The following CNTN5 variants were observed in gnomAD, a reference collection of about 807,000 sequenced individuals.
CNTN5 encodes contactin 5.
Under a neutral mutation model 129.1 loss-of-function variants are expected in CNTN5, and 77 were observed. That is an observed-to-expected ratio of 0.60 (90% CI 0.50 to 0.72). CNTN5 has a LOEUF of 0.72. CNTN5 is among the 30% of genes least tolerant of loss of function. The pLI, the probability that CNTN5 is intolerant of heterozygous loss-of-function variation, is 0.00. For missense variants in CNTN5, 1,478 were observed against 1,328.8 expected (o/e 1.11, Z -1.75); for synonymous variants, 509 against 465.6 (o/e 1.09, Z -1.20).
At chr11:99,576,111 A>C (rs1281120664) in intron 3 of CNTN5, among the ~76,000 whole-genome samples, 1 of 152,098 alleles carries the variant, frequency 6.6e-6, no homozygotes, top group African/African-American at 2.4e-5. Flanking sequence ...AATAGAAACA[A>C]ATAACCGCTT....
intron 13 of CNTN5, among the ~76,000 whole-genome samples, chr11:100,161,873 A>ACACACACACACACACACACAC (rs1555025938): frequency 8.3e-6 from 1 of 120,258 alleles, no homozygotes; most frequent in Admixed American, 8.3e-5. Context: ...ACACACACAC[A>ACACACACACACACACACACAC]AAACAAAAAA....
chr11:100,345,644 A>G (rs967863553), intron 23 of CNTN5, among the ~76,000 whole-genome samples: 1 of 152,102 alleles, frequency 6.6e-6, no homozygotes, highest in Non-Finnish European at 1.5e-5. Context: ...CAAGAATATC[A>G]TGAAAGATAG....
chr11:100,194,212 A>G (rs1300486623), intron 15 of CNTN5, among the ~76,000 whole-genome samples: 2 of 151,882 alleles, frequency 1.3e-5, no homozygotes, highest in Non-Finnish European at 2.9e-5. Context: ...CAATCAACCA[A>G]ATGGAGTGGG....
chr11:99,328,613 G>A (rs1865877435), intron 2 of CNTN5, among the ~76,000 whole-genome samples: 1 of 152,100 alleles, frequency 6.6e-6, no homozygotes, highest in Admixed American at 6.6e-5. Flanking sequence ...GTTCACACCT[G>A]TAATCCCAGC....
chr11:100,085,298 C>T (rs1023897854), intron 13 of CNTN5, among the ~76,000 whole-genome samples: 1 of 151,882 alleles, frequency 6.6e-6, no homozygotes, highest in African/African-American at 2.4e-5. Flanking sequence ...CAGAGAAAAC[C>T]TCTGCCTGCT....
At chr11:99,341,632 TG>T (rs1215031713) in intron 2 of CNTN5, among the ~76,000 whole-genome samples, 1 of 152,204 alleles carries the variant, frequency 6.6e-6, no homozygotes, top group Non-Finnish European at 1.5e-5. Context: ...GTAAGTCACA[TG>T]TCTTGTACTC....
At chr11:99,819,517 G>A in intron 3 of CNTN5, 27 bp from the exon 4 acceptor site, 1 of 1,566,334 alleles carries the variant, frequency 6.4e-7, no homozygotes, top group South Asian at 1.1e-5. Context: ...TCAAAATTCA[G>A]ATTTTATTAT....
chr11:99,391,258 T>C (rs572248889), intron 2 of CNTN5, among the ~76,000 whole-genome samples: 57 of 152,314 alleles, frequency 3.7e-4, no homozygotes, highest in African/African-American at 1.3e-3. Flanking sequence ...AAAAATAGCA[T>C]GACTATGTGA....
intron 1 of CNTN5, among the ~76,000 whole-genome samples, chr11:99,138,580 T>A (rs1024568132): frequency 7.9e-5 from 12 of 152,210 alleles, no homozygotes; most frequent in Admixed American, 7.9e-4. Context: ...CATCAGCTAC[T>A]GAATATTTAT....
chr11:99,608,364 G>C (rs2135721703), intron 3 of CNTN5, among the ~76,000 whole-genome samples: 1 of 152,214 alleles, frequency 6.6e-6, no homozygotes, highest in South Asian at 2.1e-4. Flanking sequence ...GATTAGACTA[G>C]GTAGTAAGGG....
chr11:99,654,525 A>C (rs1429706356), intron 3 of CNTN5, among the ~76,000 whole-genome samples: 1 of 152,108 alleles, frequency 6.6e-6, no homozygotes, highest in Non-Finnish European at 1.5e-5. Flanking sequence ...TTCAGAAATC[A>C]CATTAAAAAT....
intron 3 of CNTN5, among the ~76,000 whole-genome samples, chr11:99,736,714 A>T (rs752815171): frequency 2.0e-5 from 3 of 152,176 alleles, no homozygotes; most frequent in African/African-American, 7.2e-5. Flanking sequence ...GGTGATATTT[A>T]TACCAAAAAT....
intron 13 of CNTN5, among the ~76,000 whole-genome samples, chr11:100,176,235 GT>G (rs1385318881): frequency 1.3e-5 from 2 of 149,840 alleles, no homozygotes; most frequent in African/African-American, 5.1e-5. Context: ...GGCTAGGCTG[GT>G]CACAAACTCC....
intron 6 of CNTN5, among the ~76,000 whole-genome samples, chr11:99,893,411 G>C (rs1949116859): frequency 6.6e-6 from 1 of 152,104 alleles, no homozygotes; most frequent in Non-Finnish European, 1.5e-5. Flanking sequence ...CTGCTCTCTT[G>C]CTAAACCTTA....
intron 13 of CNTN5, among the ~76,000 whole-genome samples, chr11:100,180,996 G>A (rs571213598): frequency 1.3e-5 from 2 of 152,076 alleles, no homozygotes; most frequent in Admixed American, 1.3e-4. Flanking sequence ...CATTTTGGCT[G>A]TTTCTTACGA....
intron 3 of CNTN5, among the ~76,000 whole-genome samples, chr11:99,728,212 G>A (rs753373375): frequency 6.6e-6 from 1 of 152,058 alleles, no homozygotes. Flanking sequence ...ATGAGAGAGA[G>A]AGAGGGAAAG....
intron 12 of CNTN5, 67 bp downstream of exon 12, chr11:100,071,901 C>A: frequency 1.5e-6 from 2 of 1,358,660 alleles, no homozygotes; most frequent in Admixed American, 2.8e-5. Flanking sequence ...CTAATTTTTA[C>A]TATACTGAAG....
intron 1 of CNTN5, among the ~76,000 whole-genome samples, chr11:99,284,878 G>C (rs1293928488): frequency 1.3e-5 from 2 of 152,000 alleles, no homozygotes; most frequent in East Asian, 3.9e-4. Flanking sequence ...AGGAAAGAAT[G>C]AGCATTTCTT....
chr11:99,402,899 G>A (rs1003254900), intron 2 of CNTN5, among the ~76,000 whole-genome samples: 13 of 151,832 alleles, frequency 8.6e-5, no homozygotes, highest in African/African-American at 3.1e-4. Context: ...GAATTCCTGT[G>A]GTATCAACTG....
Sources: gnomAD v4.1 joint callset for allele counts (sites outside exome capture counted in the v4.1 genomes callset) on GRCh38, gnomAD v4.1.1 for gene constraint, MANE v1.5 for transcripts, NCBI Gene and HGNC (gene_info 2026-07-23, HGNC 2026-07-21) for gene names.